TRPM1: variants seen among roughly 807,000 people sequenced by gnomAD.
TRPM1 encodes the protein TRPM1-203 APA Isoform, Intron 10.
In TRPM1, 113 loss-of-function variants were observed where a neutral mutation model predicts 149.4. The ratio of observed to expected loss-of-function variants is 0.76; its 90% CI spans 0.65 to 0.88. The LOEUF (loss-of-function observed/expected upper bound fraction) is 0.88, where lower values mean the gene tolerates loss of function less well. TRPM1 is among the 40% of genes least tolerant of loss of function. The pLI, the probability that TRPM1 is intolerant of heterozygous loss-of-function variation, is 0.00. For missense variants in TRPM1, 1,976 were observed against 2,038.7 expected (o/e 0.97, Z 0.59); for synonymous variants, 741 against 759.5 (o/e 0.98, Z 0.40).
intron 1 of TRPM1, among the ~76,000 whole-genome samples, chr15:31,098,855 G>T (rs559828801): frequency 6.6e-6 from 1 of 152,032 alleles, no homozygotes; most frequent in South Asian, 2.1e-4. Flanking sequence ...TTGGGGGAGC[G>T]GGAGCCAGAA....
chr15:31,070,265 C>T (rs772561467), intron 3 of TRPM1, 39 bp from the exon 4 acceptor site: 1 of 1,581,870 alleles, frequency 6.3e-7, no homozygotes, highest in East Asian at 2.2e-5. Flanking sequence ...CTACAACAAT[C>T]TCCCCCTTTC....
chr15:31,032,844 T>C lies in TRPM1; in HGVS notation c.2797A>G (p.Met933Val), dbSNP rs768419423. 3 of 1,614,102 alleles carry C rather than the reference T, an allele frequency of 1.9e-6. No individual in the cohort carries two copies. The highest frequency in any genetic ancestry group is 2.5e-6 in the Non-Finnish European group (3 of 1,180,060). Reference protein sequence around the residue: ...ITDLVAISTFMIGAILRLQNQ... With the variant: ...ITDLVAISTFVIGAILRLQNQ... The stretch of plus-strand genomic sequence containing the variant: ...TGTAGGCGAAGAATTGCTCCAATCA[T>C]GAATGTGGAAATGGCCACGAGATCT... Residue 933 changes from methionine (M) to valine (V), a missense_variant, in exon 22 of 28, where the codon ATG becomes GTG. By Grantham distance (21) the Met-to-Val change is conservative. Around this residue, in one of 3 missense-constraint regions of TRPM1, gnomAD observed 1,332 missense variants for 1,347.1 expected, o/e 0.99. Transcript: ENST00000256552.
rs11856028 is a variant in TRPM1, at chr15:31,050,382, T to C, written c.1437+27A>G. 6.8e-4 allele frequency: 1,103 copies of C among 1,614,114 alleles called. 10 individuals are homozygous for C. In the African/African-American group the frequency reaches 0.013, roughly 19 times the overall value. On this transcript the variant is annotated intron_variant, in intron 12 of 27. Transcript: ENST00000256552. Reference sequence around the variant, plus strand: ...CCCCTGGGGAAGGGTGATGCCAAGCTCGTGATCTCTGTGACCTTCCACATA... The same window carrying C: ...CCCCTGGGGAAGGGTGATGCCAAGCCCGTGATCTCTGTGACCTTCCACATA...
rs771110434 is a variant in TRPM1, at chr15:31,037,809, C to A, written c.2473G>T (p.Asp825Tyr). The change falls in exon 20 of 28, where the codon GAT (aspartate) becomes TAT (tyrosine). Residue 825 changes from aspartate (D) to tyrosine (Y), a missense_variant. Coordinates refer to ENST00000256552, the MANE Select transcript of TRPM1 (RefSeq NM_001252024.2). ...TGTTTTTTGTGCTCGTTCTCCTCAT[C>A]CCCCTTTCTTGAGCCAGCATCTGCA... is the stretch of plus-strand genomic sequence containing the variant. The part of the protein sequence containing the change: ...ANADAGSRKG[D>Y]EENEHKKQRS... 3 of 1,614,088 alleles carry A rather than the reference C, an allele frequency of 1.9e-6. No homozygotes were observed. Among genetic ancestry groups the A allele is most frequent in the South Asian group, 1.1e-5 (1 of 91,090 alleles).
chr15:31,073,682 A>T (rs2140972826), intron 3 of TRPM1, among the ~76,000 whole-genome samples: 1 of 152,080 alleles, frequency 6.6e-6, no homozygotes, highest in East Asian at 1.9e-4. Context: ...TCCAATCTCA[A>T]TATTTTTTCT....
chr15:31,011,416 C>T (rs981278241), intron 27 of TRPM1, among the ~76,000 whole-genome samples: 9 of 152,002 alleles, frequency 5.9e-5, no homozygotes, highest in African/African-American at 2.2e-4. Flanking sequence ...TTTTAATTCA[C>T]TTAGTATTTC....
rs1170336107 is a variant in TRPM1 at position 31,002,633 on chromosome 15, G to A, written c.4067C>T (p.Ala1356Val). ...TGCAAGGTGACTGCCATCTGGGGTT[G>A]CTGATGTGCTTGTGCCCAGTGAAAG... ...LHLSLGTSTS[A>V]TPDGSHLAVD... The change falls in exon 28 of 28, where the codon GCA (alanine) becomes GTA (valine). Residue 1356 changes from alanine (A) to valine (V), a missense_variant. This residue lies in a region of TRPM1 where 572 missense variants were observed against 578.9 expected (regional missense o/e 0.99). Transcript: ENST00000256552. 4.3e-6 allele frequency: 7 copies of A among 1,614,190 alleles called. No homozygotes were observed. In the South Asian group the frequency reaches 7.7e-5, roughly 18 times the overall value.
At chr15:31,037,870 G>A (rs2033467389) in intron 19 of TRPM1, 28 bp from the exon 20 acceptor site, 1 of 1,614,034 alleles carries the variant, frequency 6.2e-7, no homozygotes, top group African/African-American at 1.3e-5. Context: ...GCACATGACA[G>A]GCAGGTGGCT....
intron 17 of TRPM1, among the ~76,000 whole-genome samples, chr15:31,041,410 A>G (rs995241827): frequency 2.6e-5 from 4 of 152,150 alleles, no homozygotes; most frequent in African/African-American, 4.8e-5. Context: ...TCGGCCTCCC[A>G]AAGTGCTGGG....
chr15:31,138,196 CA>C lies in TRPM1; in HGVS notation c.54+22709del, dbSNP rs540080578. Among the ~76,000 whole-genome samples, 20 of 152,198 alleles carry C rather than the reference CA, an allele frequency of 1.3e-4. No homozygotes were observed. In the South Asian group the frequency reaches 3.7e-3, roughly 28 times the overall value. Reference sequence around the variant, plus strand: ...TTCCAGAAAATTGTTGTCATTGGTGCAAACAACCAGGGCACTGGAAAGGGGG... The same window carrying C: ...TTCCAGAAAATTGTTGTCATTGGTGCAACAACCAGGGCACTGGAAAGGGGG... On this transcript the variant is annotated intron_variant, in intron 1 of 26. Coordinates refer to the TRPM1 transcript ENST00000542188.
At chr15:31,113,204 A>T (rs1176661745) in intron 1 of TRPM1, among the ~76,000 whole-genome samples, 1 of 152,148 alleles carries the variant, frequency 6.6e-6, no homozygotes, top group Non-Finnish European at 1.5e-5. Context: ...GGTGAATGGT[A>T]ACTCACAGGA....
chr15:31,029,232 T>A, intron 24 of TRPM1, 139 bp downstream of exon 24: 1 of 852,372 alleles, frequency 1.2e-6, no homozygotes, highest in Non-Finnish European at 1.9e-6. Context: ...TACTTTTTAC[T>A]GACAGCTTAA....
At chr15:31,081,501 G>T in intron 1 of TRPM1, 63 bp from the exon 2 acceptor site, 1 of 1,096,242 alleles carries the variant, frequency 9.1e-7, no homozygotes, top group Non-Finnish European at 1.3e-6. Flanking sequence ...TGGGAAGCAA[G>T]ATGAACAAAT....
intron 14 of TRPM1, 137 bp downstream of exon 14, chr15:31,047,751 TA>T (rs1753670989): frequency 3.8e-6 from 3 of 788,840 alleles, no homozygotes; most frequent in Non-Finnish European, 6.7e-6. Flanking sequence ...TAGTTTTAAA[TA>T]GACTCTTTAC....
At chr15:31,016,771 C>A (rs1017833194) in intron 27 of TRPM1, among the ~76,000 whole-genome samples, 7 of 152,124 alleles carry the variant, frequency 4.6e-5, no homozygotes, top group Non-Finnish European at 1.0e-4. Flanking sequence ...TTTGCTCTGT[C>A]CTTAACTGCA....
At chr15:31,004,393 C>T (rs928856189) in intron 27 of TRPM1, among the ~76,000 whole-genome samples, 3 of 151,996 alleles carry the variant, frequency 2.0e-5, no homozygotes, top group Non-Finnish European at 4.4e-5. Context: ...GAACTCCACC[C>T]CCACCCTGCT....
Position 31,042,146 on chromosome 15 carries a change from T to C in TRPM1, c.1892A>G (p.Gln631Arg), listed in dbSNP as rs529493935. The C allele has an allele frequency of 6.2e-7, 1 of 1,614,252 alleles. No homozygotes were observed. Among genetic ancestry groups the C allele is most frequent in the African/African-American group, 1.3e-5 (1 of 75,068 alleles). ...CACCATCAGCTCGTGGAAGGGATAC[T>C]GGAACCGACTCACGGCAGGGTCGTC... ...DVDDPAVSRF[Q>R]YPFHELMVWA... Residue 631 changes from glutamine to arginine, a missense_variant, in exon 17 of 28, where the codon CAG becomes CGG. Physicochemically the swap from Gln to Arg is conservative, Grantham distance 43 (BLOSUM62 1). Transcript: ENST00000256552.
At chr15:31,028,245 T>C (rs994347651) in intron 25 of TRPM1, 87 bp downstream of exon 25, 11 of 1,538,380 alleles carry the variant, frequency 7.2e-6, no homozygotes, top group Non-Finnish European at 9.9e-6. Context: ...TGCAAATATA[T>C]TGGTATCTTG....
intron 26 of TRPM1, 51 bp from the exon 27 acceptor site, chr15:31,026,322 T>A: frequency 6.2e-7 from 1 of 1,600,252 alleles, no homozygotes; most frequent in African/African-American, 1.3e-5. Context: ...AGAATCAGTT[T>A]CGTGGCGTCA....
Sources: allele counts gnomAD v4.1 joint callset (sites outside exome capture counted in the v4.1 genomes callset), GRCh38; gene constraint gnomAD v4.1.1; regional missense constraint gnomAD v4.1.1; transcripts MANE v1.5; gene names NCBI Gene and HGNC (gene_info 2026-07-23, HGNC 2026-07-21).